The following NKAIN2 variants were observed in gnomAD, a reference collection of about 807,000 sequenced individuals.
The protein encoded by NKAIN2 is sodium/potassium transporting ATPase interacting 2, also known as sodium/potassium-transporting ATPase subunit beta-1-interacting protein 2.
In NKAIN2, 14 loss-of-function variants were observed where a neutral mutation model predicts 32.6. The ratio of observed to expected loss-of-function variants is 0.43; its 90% CI spans 0.28 to 0.67. The LOEUF (loss-of-function observed/expected upper bound fraction) is 0.67. Ranked by LOEUF, NKAIN2 falls within the 30% of genes least tolerant of loss-of-function variation. The pLI, the probability that NKAIN2 is intolerant of heterozygous loss-of-function variation, is 0.17. For missense variants in NKAIN2, 198 were observed against 258.3 expected (o/e 0.77, Z 1.60); for synonymous variants, 80 against 87.2 (o/e 0.92, Z 0.46).
chr6:124,683,982 T>G (rs1205069961), intron 4 of NKAIN2, among the ~76,000 whole-genome samples: 2 of 152,146 alleles, frequency 1.3e-5, no homozygotes, highest in African/African-American at 4.8e-5. Context: ...CCATTAAGTT[T>G]CAAAACAATA....
intron 4 of NKAIN2, among the ~76,000 whole-genome samples, chr6:124,778,934 T>TC (rs1184948828): frequency 6.6e-6 from 1 of 152,066 alleles, no homozygotes; most frequent in Non-Finnish European, 1.5e-5. Flanking sequence ...AATTAATATA[T>TC]TTTTTGCTTC....
chr6:124,723,139 C>G (rs1427383707), intron 4 of NKAIN2, among the ~76,000 whole-genome samples: 2 of 152,182 alleles, frequency 1.3e-5, no homozygotes, highest in African/African-American at 4.8e-5. Flanking sequence ...GAGAATCATA[C>G]AGATACCATA....
chr6:124,535,107 T>G (rs1461554767), intron 3 of NKAIN2, among the ~76,000 whole-genome samples: 1 of 152,226 alleles, frequency 6.6e-6, no homozygotes, highest in Non-Finnish European at 1.5e-5. Flanking sequence ...TCAATACAGA[T>G]GCAACCATAT....
At chr6:123,929,580 G>A (rs927825385) in intron 1 of NKAIN2, among the ~76,000 whole-genome samples, 2 of 152,048 alleles carry the variant, frequency 1.3e-5, no homozygotes, top group Non-Finnish European at 2.9e-5. Context: ...CCGATAACAG[G>A]CAGCCTAAAT....
chr6:123,947,696 A>T (rs1327020671), intron 1 of NKAIN2, among the ~76,000 whole-genome samples: 2 of 152,140 alleles, frequency 1.3e-5, no homozygotes, highest in African/African-American at 4.8e-5. Flanking sequence ...CTGTGCAGTG[A>T]TTAAGTCATG....
chr6:124,557,087 T>C (rs926801823), intron 3 of NKAIN2, among the ~76,000 whole-genome samples: 1 of 152,200 alleles, frequency 6.6e-6, no homozygotes, highest in African/African-American at 2.4e-5. Flanking sequence ...TAGATGTCAA[T>C]GCAATGTGCC....
chr6:124,008,470 C>G (rs1419572438), intron 1 of NKAIN2, among the ~76,000 whole-genome samples: 2 of 143,184 alleles, frequency 1.4e-5, no homozygotes, highest in Non-Finnish European at 3.0e-5. Context: ...CTTTTATTCC[C>G]TAAAGAACTC....
At chr6:124,010,728 A>G (rs1780286515) in intron 1 of NKAIN2, among the ~76,000 whole-genome samples, 1 of 152,018 alleles carries the variant, frequency 6.6e-6, no homozygotes. Context: ...TTAGACTGAA[A>G]CATAATAAGG....
chr6:124,786,510 G>A (rs1057506551), intron 4 of NKAIN2, among the ~76,000 whole-genome samples: 8 of 152,088 alleles, frequency 5.3e-5, no homozygotes, highest in South Asian at 2.1e-4. Context: ...GAATTTCTGG[G>A]ACATACAATC....
chr6:124,305,269 G>A (rs1174431728), intron 2 of NKAIN2, among the ~76,000 whole-genome samples: 1 of 152,162 alleles, frequency 6.6e-6, no homozygotes, highest in Non-Finnish European at 1.5e-5. Context: ...ATGTATTTGG[G>A]TAGAGAGATA....
At chr6:123,839,354 C>T (rs1192444301) in intron 1 of NKAIN2, among the ~76,000 whole-genome samples, 1 of 151,836 alleles carries the variant, frequency 6.6e-6, no homozygotes, top group Non-Finnish European at 1.5e-5. Flanking sequence ...CTTATAGTCT[C>T]CTCATCTGTA....
At chr6:123,943,007 T>A (rs894903430) in intron 1 of NKAIN2, among the ~76,000 whole-genome samples, 17 of 152,060 alleles carry the variant, frequency 1.1e-4, no homozygotes, top group Non-Finnish European at 5.9e-5. Flanking sequence ...TAGCATATTA[T>A]TCAATCCCAT....
intron 1 of NKAIN2, among the ~76,000 whole-genome samples, chr6:124,211,452 T>G (rs1791171496): frequency 6.6e-6 from 1 of 151,870 alleles, no homozygotes; most frequent in South Asian, 2.1e-4. Context: ...GGTTGACACT[T>G]TAGGACACTT....
chr6:124,026,506 C>T (rs1379519634), intron 1 of NKAIN2, among the ~76,000 whole-genome samples: 6 of 152,148 alleles, frequency 3.9e-5, no homozygotes, highest in Non-Finnish European at 2.9e-5. Context: ...ATATGCATCT[C>T]ATCTGTGAAT....
chr6:124,534,409 C>G (rs549277362), intron 3 of NKAIN2, among the ~76,000 whole-genome samples: 1 of 152,276 alleles, frequency 6.6e-6, no homozygotes, highest in East Asian at 1.9e-4. Flanking sequence ...CCTTGGCCTC[C>G]CAAAGTGCTG....
intron 1 of NKAIN2, among the ~76,000 whole-genome samples, chr6:124,116,276 G>T (rs1341206704): frequency 1.3e-5 from 2 of 152,084 alleles, no homozygotes; most frequent in Non-Finnish European, 2.9e-5. Context: ...GCTCTAAGTT[G>T]CTCTTTTGGC....
intron 1 of NKAIN2, among the ~76,000 whole-genome samples, chr6:123,993,403 T>C (rs563703389): frequency 2.0e-5 from 3 of 152,294 alleles, no homozygotes; most frequent in Non-Finnish European, 2.9e-5. Context: ...ATTTACAATT[T>C]TATAAAACAT....
chr6:124,196,463 A>G (rs1323153271), intron 1 of NKAIN2, among the ~76,000 whole-genome samples: 4 of 152,124 alleles, frequency 2.6e-5, no homozygotes, highest in African/African-American at 9.6e-5. Flanking sequence ...AGTAAATTAT[A>G]GTCATCATTT....
At chr6:124,072,450 T>C (rs1206391749) in intron 1 of NKAIN2, among the ~76,000 whole-genome samples, 1 of 151,922 alleles carries the variant, frequency 6.6e-6, no homozygotes. Context: ...GTGTACCCCC[T>C]GAATCTAAAA....
Sources: gnomAD v4.1 joint callset for allele counts (sites outside exome capture counted in the v4.1 genomes callset) on GRCh38, gnomAD v4.1.1 for gene constraint, MANE v1.5 for transcripts, NCBI Gene and HGNC (gene_info 2026-07-23, HGNC 2026-07-21) for gene names.